The following SNX8 variants were observed in gnomAD, a reference collection of about 807,000 sequenced individuals.
SNX8 encodes sorting nexin-8.
In SNX8, 25 loss-of-function variants were observed where a neutral mutation model predicts 51.6. The observed-to-expected ratio is 0.48, with a 90% CI of 0.35 to 0.68. SNX8 has a LOEUF of 0.68. Among genes scored for constraint, SNX8 ranks in the 30% least tolerant of loss-of-function variants. SNX8 has a pLI of 0.00. For synonymous variants in SNX8, 324 were observed against 277.0 expected (o/e 1.17, Z -1.68); for missense variants, 695 against 624.0 (o/e 1.11, Z -1.21).
chr7:2,341,647 G>A (rs910125163), intron 1 of SNX8, among the ~76,000 whole-genome samples: 1 of 152,058 alleles, frequency 6.6e-6, no homozygotes, highest in African/African-American at 2.4e-5. Flanking sequence ...ACTCCAACCT[G>A]GGTGATAGAG....
chr7:2,265,587 A>G (rs1425382409), intron 5 of SNX8, among the ~76,000 whole-genome samples: 2 of 151,256 alleles, frequency 1.3e-5, no homozygotes, highest in African/African-American at 4.9e-5. Context: ...CCATGCTGCA[A>G]GGAGCCATGA....
chr7:2,347,345 G>C (rs531412896), intron 1 of SNX8, among the ~76,000 whole-genome samples: 2 of 151,480 alleles, frequency 1.3e-5, no homozygotes, highest in Admixed American at 6.6e-5. Context: ...GTCAGGCTTC[G>C]TGGTGGGCGC....
intron 1 of SNX8, among the ~76,000 whole-genome samples, chr7:2,279,250 C>G (rs1795855014): frequency 1.5e-5 from 2 of 129,160 alleles, no homozygotes; most frequent in Non-Finnish European, 3.3e-5. Context: ...GCCGGACTCA[C>G]TCACACTACG....
intron 1 of SNX8, among the ~76,000 whole-genome samples, chr7:2,336,647 G>A (rs1442254108): frequency 6.6e-6 from 1 of 152,056 alleles, no homozygotes; most frequent in Non-Finnish European, 1.5e-5. Flanking sequence ...GGCGGAGGTT[G>A]CAGTGAGCCG....
chr7:2,320,974 C>T (rs761041667), intron 1 of SNX8, among the ~76,000 whole-genome samples: 1 of 151,380 alleles, frequency 6.6e-6, no homozygotes, highest in Non-Finnish European at 1.5e-5. Context: ...GAGCCAAGAT[C>T]GCGCCACTGC....
chr7:2,285,174 T>C (rs906574244), intron 1 of SNX8, among the ~76,000 whole-genome samples: 1 of 141,852 alleles, frequency 7.0e-6, no homozygotes, highest in African/African-American at 2.6e-5. Flanking sequence ...ATGGCGCCAC[T>C]GCACTCCAGC....
intron 1 of SNX8, among the ~76,000 whole-genome samples, chr7:2,325,924 G>C (rs969703594): frequency 6.6e-6 from 1 of 152,290 alleles, no homozygotes; most frequent in Middle Eastern, 3.4e-3. Flanking sequence ...CCATTATGTA[G>C]TCTCAGAAAT....
intron 1 of SNX8, among the ~76,000 whole-genome samples, chr7:2,326,524 G>C (rs913296219): frequency 6.6e-6 from 1 of 151,770 alleles, no homozygotes; most frequent in Non-Finnish European, 1.5e-5. Context: ...AAATTAGCCG[G>C]GCGTGGTGGC....
chr7:2,275,642 C>A (rs1163537826), intron 2 of SNX8, among the ~76,000 whole-genome samples: 1 of 151,518 alleles, frequency 6.6e-6, no homozygotes, highest in East Asian at 1.9e-4. Flanking sequence ...ACAGAGGTTG[C>A]AGTGATCCAA....
intron 1 of SNX8, among the ~76,000 whole-genome samples, chr7:2,280,127 G>A (rs1056535668): frequency 5.3e-5 from 8 of 152,128 alleles, no homozygotes; most frequent in African/African-American, 1.2e-4. Flanking sequence ...CCACATGCAC[G>A]GAAGAATTAA....
chr7:2,327,644 T>G (rs1020601967), intron 1 of SNX8, among the ~76,000 whole-genome samples: 1 of 151,212 alleles, frequency 6.6e-6, no homozygotes, highest in South Asian at 2.1e-4. Context: ...CCTGACCTCA[T>G]GATCCGCCCG....
At chr7:2,276,436 G>A (rs1183040019) in intron 2 of SNX8, among the ~76,000 whole-genome samples, 9 of 152,158 alleles carry the variant, frequency 5.9e-5, no homozygotes, top group South Asian at 2.1e-4. Context: ...ACAACCATTC[G>A]GACCGTGTGG....
chr7:2,325,810 C>T (rs940274202), intron 1 of SNX8, among the ~76,000 whole-genome samples: 1 of 151,342 alleles, frequency 6.6e-6, no homozygotes, highest in East Asian at 1.9e-4. Flanking sequence ...CCAGCCTCGG[C>T]AACAGAGCAA....
rs530236064 is a variant in SNX8 at position 2,274,748 on chromosome 7, C to T, written c.418+364G>A. Among the ~76,000 whole-genome samples, 26 of 152,344 alleles carry T rather than the reference C, an allele frequency of 1.7e-4. No homozygotes were observed. In the South Asian group the frequency reaches 4.3e-3, roughly 25 times the overall value. On this transcript the variant is annotated intron_variant, in intron 3 of 10. Coordinates refer to ENST00000222990, the MANE Select transcript of SNX8 (RefSeq NM_013321.4). ...CTTTGCAGATGCAGGCAGGGCAATG[C>T]CAGCCAGGTGAGCACACAGTGCTCC...
chr7:2,277,491 C>A (rs1254919652), intron 2 of SNX8, among the ~76,000 whole-genome samples: 1 of 152,060 alleles, frequency 6.6e-6, no homozygotes, highest in African/African-American at 2.4e-5. Context: ...GGACCGTCCG[C>A]GGGAGATTCC....
At chr7:2,271,771 C>T in intron 4 of SNX8, 79 bp downstream of exon 4, 1 of 1,511,008 alleles carries the variant, frequency 6.6e-7, no homozygotes, top group Non-Finnish European at 8.9e-7. Context: ...TAAGAAACCA[C>T]ACCTGAGAGA....
intron 4 of SNX8, among the ~76,000 whole-genome samples, chr7:2,269,891 A>C (rs1257903634): frequency 6.6e-6 from 1 of 152,110 alleles, no homozygotes; most frequent in Non-Finnish European, 1.5e-5. Context: ...CAGCCACTCC[A>C]TCCGCAGACG....
intron 4 of SNX8, among the ~76,000 whole-genome samples, chr7:2,270,762 G>A (rs1023175158): frequency 1.3e-5 from 2 of 152,184 alleles, no homozygotes; most frequent in South Asian, 4.1e-4. Context: ...CCTCCGAGAG[G>A]AACGAAGACA....
chr7:2,319,581 T>C (rs914412432), intron 1 of SNX8, among the ~76,000 whole-genome samples: 7 of 151,778 alleles, frequency 4.6e-5, no homozygotes, highest in Non-Finnish European at 8.8e-5. Context: ...CTTGGGAGGC[T>C]GAGGTGGGCA....
Sources: allele counts gnomAD v4.1 joint callset (sites outside exome capture counted in the v4.1 genomes callset), GRCh38; gene constraint gnomAD v4.1.1; transcripts MANE v1.5; gene names NCBI Gene and HGNC (gene_info 2026-07-23, HGNC 2026-07-21).